CFAP95: variants seen among roughly 807,000 people sequenced by gnomAD.
CFAP95 encodes cilia and flagella associated protein 95.
chr9:69,855,476 C>A, the CFAP95 span, among the ~76,000 whole-genome samples: 1 of 152,072 alleles, frequency 6.6e-6, no homozygotes, highest in Non-Finnish European at 1.5e-5. Flanking sequence ...ATAAATAAGA[C>A]CCAATGTAGT....
At chr9:69,906,123 T>C in the CFAP95 span, 1 of 1,597,734 alleles carries the variant, frequency 6.3e-7, no homozygotes, top group Non-Finnish European at 8.5e-7. Context: ...AGTGGGCCTA[T>C]TGTGCCAATT....
the CFAP95 span, among the ~76,000 whole-genome samples, chr9:69,887,610 G>A: frequency 1.1e-3 from 162 of 152,300 alleles, no homozygotes; most frequent in African/African-American, 3.6e-3. Flanking sequence ...AAATTCTTTA[G>A]TGAGGAAAGT....
the CFAP95 span, among the ~76,000 whole-genome samples, chr9:69,840,592 T>A: frequency 2.0e-5 from 3 of 152,232 alleles, no homozygotes; most frequent in African/African-American, 4.8e-5. Context: ...AGTCTCCTGT[T>A]TCCTTTAGAA....
the CFAP95 span, among the ~76,000 whole-genome samples, chr9:69,824,329 G>A: frequency 2.5e-4 from 38 of 152,276 alleles, no homozygotes; most frequent in African/African-American, 8.2e-4. Flanking sequence ...TCCGGATTCT[G>A]TGTTTGTAAA....
the CFAP95 span, among the ~76,000 whole-genome samples, chr9:69,848,883 C>CGT: frequency 2.6e-5 from 4 of 152,268 alleles, no homozygotes; most frequent in East Asian, 7.7e-4. Flanking sequence ...TGAGAGTCAC[C>CGT]AGAAACGCCC....
At chr9:69,849,182 C>G in the CFAP95 span, among the ~76,000 whole-genome samples, 1 of 152,136 alleles carries the variant, frequency 6.6e-6, no homozygotes, top group Non-Finnish European at 1.5e-5. Context: ...TGTTAGAATA[C>G]GAGCTCTATG....
the CFAP95 span, among the ~76,000 whole-genome samples, chr9:69,899,525 T>C: frequency 1.3e-5 from 2 of 152,374 alleles, no homozygotes; most frequent in African/African-American, 4.8e-5. Flanking sequence ...ATCCTGTGTG[T>C]GCAGAGAAGA....
the CFAP95 span, among the ~76,000 whole-genome samples, chr9:69,840,999 T>C: frequency 6.6e-6 from 1 of 151,732 alleles, no homozygotes; most frequent in African/African-American, 2.4e-5. Context: ...TGTAAGAATC[T>C]AGTTATCATG....
chr9:69,903,064 G>C, the CFAP95 span, among the ~76,000 whole-genome samples: 1 of 152,120 alleles, frequency 6.6e-6, no homozygotes, highest in Non-Finnish European at 1.5e-5. Flanking sequence ...TGGCTTCCAT[G>C]TTCTAAAAAG....
the CFAP95 span, among the ~76,000 whole-genome samples, chr9:69,890,188 G>A: frequency 6.6e-6 from 1 of 151,904 alleles, no homozygotes; most frequent in African/African-American, 2.4e-5. Context: ...AATTTCAAAG[G>A]ACTAAATATT....
At chr9:69,856,459 T>C in the CFAP95 span, 1 of 628,896 alleles carries the variant, frequency 1.6e-6, no homozygotes, top group South Asian at 2.5e-5. Flanking sequence ...GAGTCAACAA[T>C]TAAAATCAGA....
the CFAP95 span, among the ~76,000 whole-genome samples, chr9:69,858,861 G>A: frequency 6.6e-6 from 1 of 152,100 alleles, no homozygotes; most frequent in Non-Finnish European, 1.5e-5. Context: ...AGGGAAGCAT[G>A]AATTCTTACT....
the CFAP95 span, chr9:69,844,620 T>A: frequency 1.9e-6 from 3 of 1,606,932 alleles, no homozygotes; most frequent in East Asian, 2.2e-5. Flanking sequence ...AACCGATGAA[T>A]CCCCAGTAAG....
chr9:69,859,191 T>C, the CFAP95 span, among the ~76,000 whole-genome samples: 87 of 152,318 alleles, frequency 5.7e-4, no homozygotes, highest in African/African-American at 2.0e-3. Context: ...AAATCCTTTG[T>C]TTGAATGTTG....
chr9:69,850,621 A>G, the CFAP95 span, among the ~76,000 whole-genome samples: 1 of 152,242 alleles, frequency 6.6e-6, no homozygotes, highest in Non-Finnish European at 1.5e-5. Context: ...GTATAATCTT[A>G]TAATCTTATA....
the CFAP95 span, among the ~76,000 whole-genome samples, chr9:69,850,014 G>A: frequency 1.3e-5 from 2 of 152,086 alleles, no homozygotes; most frequent in Non-Finnish European, 2.9e-5. Flanking sequence ...TTCACCCAAG[G>A]ATCCTCACAA....
At chr9:69,887,843 T>C in the CFAP95 span, among the ~76,000 whole-genome samples, 3 of 152,122 alleles carry the variant, frequency 2.0e-5, no homozygotes, top group South Asian at 2.1e-4. Flanking sequence ...GGCTACTCTG[T>C]TGGAGGGAGA....
the CFAP95 span, among the ~76,000 whole-genome samples, chr9:69,863,155 G>A: frequency 6.6e-6 from 1 of 152,194 alleles, no homozygotes; most frequent in African/African-American, 2.4e-5. Flanking sequence ...TTCCTTGAGA[G>A]TTGGTCTCAG....
the CFAP95 span, among the ~76,000 whole-genome samples, chr9:69,839,716 A>G: frequency 0.013 from 1,935 of 151,450 alleles, 36 homozygotes; most frequent in African/African-American, 0.042. Flanking sequence ...GTGAGCCACC[A>G]TGTCTGGACA....
Sources: gnomAD v4.1 joint callset for allele counts (sites outside exome capture counted in the v4.1 genomes callset) on GRCh38, gnomAD v4.1.1 for gene constraint, MANE v1.5 for transcripts, NCBI Gene and HGNC (gene_info 2026-07-23, HGNC 2026-07-21) for gene names.